ACOXL: variants seen among roughly 807,000 people sequenced by gnomAD.
ACOXL encodes acyl-CoA oxidase like.
A neutral mutation model predicts 71.9 loss-of-function variants in ACOXL; 70 were observed. The observed-to-expected ratio is 0.97, with a 90% CI of 0.80 to 1.19. ACOXL has a LOEUF of 1.19. Among genes scored for constraint, ACOXL ranks in the 50% most tolerant of loss-of-function variants. The pLI is 0.00. For synonymous variants in ACOXL, 253 were observed against 281.6 expected (o/e 0.90, Z 1.02); for missense variants, 703 against 736.3 (o/e 0.95, Z 0.52).
At chr2:110,876,751 TG>T (rs1330002595) in intron 10 of ACOXL, among the ~76,000 whole-genome samples, 1 of 152,188 alleles carries the variant, frequency 6.6e-6, no homozygotes, top group African/African-American at 2.4e-5. Flanking sequence ...AAAGTATTTT[TG>T]GTCCATTTGT....
chr2:110,771,198 C>G (rs1311303609), intron 2 of ACOXL, among the ~76,000 whole-genome samples: 2 of 152,220 alleles, frequency 1.3e-5, no homozygotes, highest in African/African-American at 4.8e-5. Context: ...GCAGGCTCAT[C>G]TCGCTGGGCG....
chr2:111,103,026 C>A (rs1157084520), intron 17 of ACOXL, among the ~76,000 whole-genome samples: 1 of 152,286 alleles, frequency 6.6e-6, no homozygotes, highest in Admixed American at 6.5e-5. Flanking sequence ...CGCTGTGGCT[C>A]ACGCCTGTAA....
intron 1 of ACOXL, among the ~76,000 whole-genome samples, chr2:110,753,124 T>C (rs1559218195): frequency 6.6e-6 from 1 of 152,102 alleles, no homozygotes; most frequent in Non-Finnish European, 1.5e-5. Flanking sequence ...TGAGAGCTGG[T>C]TGTTTAAATG....
intron 12 of ACOXL, among the ~76,000 whole-genome samples, chr2:110,959,631 A>G (rs907631801): frequency 6.6e-6 from 1 of 151,944 alleles, no homozygotes; most frequent in Admixed American, 6.6e-5. Flanking sequence ...TTCACCTCAC[A>G]TCCTTTGAGA....
At chr2:110,906,504 C>T (rs1010082682) in intron 10 of ACOXL, among the ~76,000 whole-genome samples, 14 of 142,076 alleles carry the variant, frequency 9.9e-5, no homozygotes, top group African/African-American at 3.4e-4. Flanking sequence ...CGCCATTGCA[C>T]TCCAGCCTGG....
intron 10 of ACOXL, among the ~76,000 whole-genome samples, chr2:110,859,873 C>T (rs867337450): frequency 6.6e-6 from 1 of 152,108 alleles, no homozygotes; most frequent in South Asian, 2.1e-4. Flanking sequence ...TCAGACTCAC[C>T]GAAGAGGGAA....
At chr2:110,832,144 G>A (rs924854488) in intron 9 of ACOXL, among the ~76,000 whole-genome samples, 1 of 152,144 alleles carries the variant, frequency 6.6e-6, no homozygotes, top group African/African-American at 2.4e-5. Context: ...CTTACCCTGG[G>A]TGACAGAGCA....
chr2:110,865,617 A>G (rs1304286411), intron 10 of ACOXL, among the ~76,000 whole-genome samples: 2 of 152,236 alleles, frequency 1.3e-5, no homozygotes, highest in Non-Finnish European at 2.9e-5. Flanking sequence ...TACAAGTGAT[A>G]GATGGAGCAC....
At chr2:110,792,352 C>G (rs985087527) in intron 3 of ACOXL, among the ~76,000 whole-genome samples, 3 of 152,236 alleles carry the variant, frequency 2.0e-5, no homozygotes, top group Non-Finnish European at 4.4e-5. Context: ...GTTCTTCTGT[C>G]TTTGCAGTCA....
At chr2:110,850,632 A>G (rs1316526829) in intron 10 of ACOXL, among the ~76,000 whole-genome samples, 2 of 152,190 alleles carry the variant, frequency 1.3e-5, no homozygotes. Flanking sequence ...AAACTTCCCA[A>G]CACAAACACA....
intron 16 of ACOXL, among the ~76,000 whole-genome samples, chr2:111,050,730 A>T (rs1050195137): frequency 6.6e-6 from 1 of 152,172 alleles, no homozygotes; most frequent in African/African-American, 2.4e-5. Flanking sequence ...GAGGGCAGCG[A>T]CAGAGCCCAG....
chr2:111,036,854 CG>C (rs1258736034), intron 15 of ACOXL: 2 of 152,046 alleles, frequency 1.3e-5, no homozygotes, highest in African/African-American at 4.8e-5. Flanking sequence ...CGGAGGGAGG[CG>C]CCTGGTGAAA....
intron 2 of ACOXL, among the ~76,000 whole-genome samples, chr2:110,773,521 C>T (rs1390325693): frequency 2.6e-5 from 4 of 152,178 alleles, no homozygotes; most frequent in African/African-American, 9.7e-5. Context: ...AGTGCCAGCC[C>T]CAGCGAGTGC....
intron 10 of ACOXL, among the ~76,000 whole-genome samples, chr2:110,889,109 A>G (rs1377641459): frequency 6.6e-6 from 1 of 152,216 alleles, no homozygotes; most frequent in Non-Finnish European, 1.5e-5. Context: ...TTTATCATCA[A>G]AATGAACATC....
chr2:110,865,741 G>A (rs1335084432), intron 10 of ACOXL, among the ~76,000 whole-genome samples: 2 of 152,144 alleles, frequency 1.3e-5, no homozygotes, highest in Non-Finnish European at 2.9e-5. Flanking sequence ...ATGCATTTAT[G>A]TGTGTGTTTG....
intron 10 of ACOXL, among the ~76,000 whole-genome samples, chr2:110,895,721 A>AT (rs2058982466): frequency 6.6e-6 from 1 of 152,030 alleles, no homozygotes; most frequent in African/African-American, 2.4e-5. Context: ...TACATCAAAA[A>AT]CCATGGAGGC....
intron 10 of ACOXL, among the ~76,000 whole-genome samples, chr2:110,878,446 T>C (rs1696198279): frequency 6.6e-6 from 1 of 152,192 alleles, no homozygotes; most frequent in Non-Finnish European, 1.5e-5. Context: ...AGCTTTAATG[T>C]ATGTTGAATT....
At chr2:110,763,868 C>G (rs1000712850) in intron 1 of ACOXL, among the ~76,000 whole-genome samples, 1 of 152,110 alleles carries the variant, frequency 6.6e-6, no homozygotes, top group South Asian at 2.1e-4. Flanking sequence ...ACAACCCCAT[C>G]AAAAAATGGG....
At position 110,752,926 on chromosome 2, in the gene ACOXL, T is replaced by C. The variant is rs555472518; in HGVS notation, c.-22-15442T>C. 4.6e-5 allele frequency among the ~76,000 whole-genome samples: 7 copies of C among 152,260 alleles called. No homozygotes were observed. In the South Asian group the frequency reaches 1.4e-3, roughly 32 times the overall value. On this transcript the variant is annotated intron_variant, in intron 1 of 17. Transcript: ENST00000439055. ...TTTAGGATGTTGGCCCTGGCTTGAC[T>C]GGGGCTGGAAGAGCCACTTCTACAA...
Sources: gnomAD v4.1 joint callset for allele counts (sites outside exome capture counted in the v4.1 genomes callset) on GRCh38, gnomAD v4.1.1 for gene constraint, MANE v1.5 for transcripts, NCBI Gene and HGNC (gene_info 2026-07-23, HGNC 2026-07-21) for gene names.